MTUS2: variants seen among roughly 807,000 people sequenced by gnomAD.
MTUS2 encodes the protein microtubule-associated tumor suppressor candidate 2.
In MTUS2, 40 loss-of-function variants were observed where a neutral mutation model predicts 114.1. The ratio of observed to expected loss-of-function variants is 0.35; its 90% CI spans 0.27 to 0.46. The LOEUF is 0.46. Among genes scored for constraint, MTUS2 ranks in the 20% least tolerant of loss-of-function variants. MTUS2 has a pLI of 1.00. For synonymous variants in MTUS2, 688 were observed against 672.0 expected (o/e 1.02, Z -0.37); for missense variants, 1,679 against 1,705.4 (o/e 0.98, Z 0.27).
chr13:29,324,413 C>G (rs1328458099), intron 6 of MTUS2, among the ~76,000 whole-genome samples, 200 bp from the exon 7 acceptor site: 1 of 152,148 alleles, frequency 6.6e-6, no homozygotes, highest in Non-Finnish European at 1.5e-5. Flanking sequence ...CCTGACCACT[C>G]AAAACTAAAT....
At chr13:29,274,558 C>T (rs1161661294) in intron 5 of MTUS2, among the ~76,000 whole-genome samples, 1 of 152,140 alleles carries the variant, frequency 6.6e-6, no homozygotes, top group Non-Finnish European at 1.5e-5. Flanking sequence ...TATAGCTATT[C>T]TGCTGGGTTT....
chr13:29,457,356 A>G (rs1309958428), intron 9 of MTUS2, among the ~76,000 whole-genome samples: 2 of 151,852 alleles, frequency 1.3e-5, no homozygotes, highest in East Asian at 1.9e-4. Flanking sequence ...CTATCACCAT[A>G]CATTAGTTTT....
At position 29,045,608 on chromosome 13, in the gene MTUS2, A is replaced by G. The variant is rs558813565; in HGVS notation, c.2446+11483A>G. 5.3e-5 allele frequency among the ~76,000 whole-genome samples: 8 copies of G among 152,276 alleles called. No individual in the cohort carries two copies. In the East Asian group the frequency reaches 1.4e-3, roughly 26 times the overall value. On this transcript the variant is annotated intron_variant, in intron 4 of 15. Transcript: ENST00000612955. ...TGGAGGTGGATTTCAAGTCCTAAAGAATGGCAACCTGGAAATGCTACATAA... is the reference window on the plus strand; with the variant it reads ...TGGAGGTGGATTTCAAGTCCTAAAGGATGGCAACCTGGAAATGCTACATAA...
intron 6 of MTUS2, chr13:29,307,677 C>A (rs1399174876): frequency 2.0e-5 from 23 of 1,131,628 alleles, no homozygotes; most frequent in Non-Finnish European, 2.5e-5. Context: ...CTGGGGCTAG[C>A]ATTGCCCTCA....
chr13:29,481,462 G>A (rs1308797488), intron 10 of MTUS2, among the ~76,000 whole-genome samples: 1 of 152,036 alleles, frequency 6.6e-6, no homozygotes, highest in Admixed American at 6.5e-5. Context: ...TCTAATTGGT[G>A]TGTTGCTTTA....
At chr13:28,967,875 T>G (rs1037063623) in intron 2 of MTUS2, among the ~76,000 whole-genome samples, 2 of 152,226 alleles carry the variant, frequency 1.3e-5, no homozygotes, top group Non-Finnish European at 2.9e-5. Flanking sequence ...TCCTGTGTGT[T>G]ATAAATATCA....
chr13:28,948,489 A>G (rs555363847), intron 2 of MTUS2, among the ~76,000 whole-genome samples: 2 of 152,294 alleles, frequency 1.3e-5, no homozygotes, highest in African/African-American at 4.8e-5. Context: ...ATATGCAAGC[A>G]GATGGCAGGC....
At chr13:29,424,963 A>C (rs115885570) in intron 8 of MTUS2, among the ~76,000 whole-genome samples, 1,789 of 152,250 alleles carry the variant, frequency 0.012, 43 homozygotes, top group African/African-American at 0.04. Context: ...TTTAGAAACC[A>C]GCAAAATTTT....
intron 9 of MTUS2, among the ~76,000 whole-genome samples, chr13:29,453,017 A>G (rs1042975511): frequency 3.3e-5 from 5 of 152,236 alleles, no homozygotes; most frequent in Non-Finnish European, 4.4e-5. Context: ...TCAGTTTCAC[A>G]GTAAATACAT....
chr13:29,263,284 T>A (rs1443219187), intron 5 of MTUS2, among the ~76,000 whole-genome samples: 2 of 152,174 alleles, frequency 1.3e-5, no homozygotes, highest in Non-Finnish European at 1.5e-5. Context: ...TAGAAGTATG[T>A]CTTCCTCTTG....
At chr13:29,109,302 ATGTGTGTGTGTG>A (rs1252461688) in intron 5 of MTUS2, among the ~76,000 whole-genome samples, 1 of 152,010 alleles carries the variant, frequency 6.6e-6, no homozygotes, top group East Asian at 1.9e-4. Flanking sequence ...TTCTGTGTAT[ATGTGTGTGTGTG>A]TATGTGTGGT....
At chr13:29,312,020 G>C (rs751230079) in intron 6 of MTUS2, among the ~76,000 whole-genome samples, 20 of 152,078 alleles carry the variant, frequency 1.3e-4, no homozygotes, top group Non-Finnish European at 2.4e-4. Context: ...CTTCACTCCG[G>C]TACCTTTGCA....
At position 29,094,107 on chromosome 13, in the gene MTUS2, G is replaced by A. The variant is rs754285523; in HGVS notation, c.2447-6666G>A. On this transcript the variant is annotated intron_variant, in intron 4 of 15. Transcript: ENST00000612955. The stretch of plus-strand genomic sequence containing the variant: ...TTGTATATGTTGCCAGCTTCAGTGC[G>A]CAGTATCTTGGTGAGGATTTTGAAT... Among the ~76,000 whole-genome samples the A allele has an allele frequency of 3.3e-5, 5 of 152,102 alleles. 1 individual carries two copies. The highest frequency in any genetic ancestry group is 6.8e-3 in the Middle Eastern group (2 of 294).
intron 2 of MTUS2, among the ~76,000 whole-genome samples, chr13:28,849,882 G>A (rs968490988): frequency 6.6e-6 from 1 of 151,966 alleles, no homozygotes; most frequent in Non-Finnish European, 1.5e-5. Flanking sequence ...CCCTTCCCAA[G>A]TTTTTCCTGC....
intron 2 of MTUS2, among the ~76,000 whole-genome samples, chr13:28,976,972 A>C (rs144329780): frequency 6.6e-6 from 1 of 152,272 alleles, no homozygotes; most frequent in Non-Finnish European, 1.5e-5. Context: ...GATAGAGAGA[A>C]GGGGCTTAGG....
intron 5 of MTUS2, among the ~76,000 whole-genome samples, chr13:29,158,358 C>CCCCCCCTTTTTT: frequency 1.2e-4 from 4 of 32,046 alleles, no homozygotes; most frequent in African/African-American, 2.1e-4. Flanking sequence ...GTCCACCCCG[C>CCCCCCCTTTTTT]TTTTTTTTTT....
chr13:29,384,647 G>A (rs1237867931), intron 8 of MTUS2, among the ~76,000 whole-genome samples: 1 of 152,208 alleles, frequency 6.6e-6, no homozygotes, highest in Admixed American at 6.5e-5. Flanking sequence ...CTGCAGTCCT[G>A]ACAACAGCTT....
At chr13:29,460,895 TA>T (rs778237549) in intron 9 of MTUS2, among the ~76,000 whole-genome samples, 4,579 of 138,132 alleles carry the variant, frequency 0.033, 123 homozygotes, top group East Asian at 0.18. Flanking sequence ...GTCAACAATC[TA>T]AAAAAAAAAA....
intron 3 of MTUS2, 64 bp downstream of exon 3, chr13:29,026,967 C>A: frequency 6.9e-7 from 1 of 1,445,976 alleles, no homozygotes; most frequent in Non-Finnish European, 9.2e-7. Flanking sequence ...GACATATTTT[C>A]AATGAGTTAT....
Sources: allele counts gnomAD v4.1 joint callset (sites outside exome capture counted in the v4.1 genomes callset), GRCh38; gene constraint gnomAD v4.1.1; transcripts MANE v1.5; gene names NCBI Gene and HGNC (gene_info 2026-07-23, HGNC 2026-07-21).